UBE3C: variants seen among roughly 807,000 people sequenced by gnomAD.
UBE3C encodes the protein ubiquitin protein ligase E3C, also known as ubiquitin-protein ligase E3C.
Under a neutral mutation model 129.4 loss-of-function variants are expected in UBE3C, and 42 were observed. The ratio of observed to expected loss-of-function variants is 0.32; its 90% confidence interval spans 0.25 to 0.42. The LOEUF is 0.42. UBE3C is among the 10% of genes least tolerant of loss of function. The pLI, the probability that UBE3C is intolerant of heterozygous loss-of-function variation, is 1.00. For missense variants in UBE3C, 1,049 were observed against 1,319.1 expected (o/e 0.80, Z 3.17); for synonymous variants, 510 against 492.4 (o/e 1.04, Z -0.47).
chr7:157,150,414 C>G (rs1410471277), intron 1 of UBE3C, among the ~76,000 whole-genome samples: 1 of 151,972 alleles, frequency 6.6e-6, no homozygotes, highest in Non-Finnish European at 1.5e-5. Context: ...TATGTCCCCT[C>G]TAATCCAGCA....
In UBE3C at chr7:157,210,786, A is replaced by T. The variant is rs114756426; in HGVS notation, c.1809+2851A>T. On this transcript the variant is annotated intron_variant, in intron 13 of 22. Coordinates refer to ENST00000348165, the MANE Select transcript of UBE3C (RefSeq NM_014671.3). ...CAAACGATGAGACCTGACTCCTTCA[A>T]CACCGACCATTTTCATTTTTCAGTC... is the stretch of plus-strand genomic sequence containing the variant. 3.9e-3 allele frequency among the ~76,000 whole-genome samples: 599 copies of T among 152,264 alleles called. 2 individuals carry two copies. The highest frequency in any genetic ancestry group is 0.013 in the African/African-American group (554 of 41,546).
intron 11 of UBE3C, among the ~76,000 whole-genome samples, chr7:157,204,043 A>C (rs1396137533): frequency 6.6e-6 from 1 of 152,206 alleles, no homozygotes; most frequent in Non-Finnish European, 1.5e-5. Context: ...ATTGTACTGA[A>C]AGCGTAAAAA....
At chr7:157,205,908 G>A (rs1461952254) in intron 11 of UBE3C, among the ~76,000 whole-genome samples, 1 of 152,176 alleles carries the variant, frequency 6.6e-6, no homozygotes, top group Admixed American at 6.5e-5. Flanking sequence ...GAAGCTCCAG[G>A]TGGCTCAGCC....
chr7:157,213,328 T>G (rs2117025035), intron 13 of UBE3C, among the ~76,000 whole-genome samples: 1 of 152,284 alleles, frequency 6.6e-6, no homozygotes, highest in Non-Finnish European at 1.5e-5. Flanking sequence ...CCTATCAGAG[T>G]CATCTGGGGG....
chr7:157,254,079 C>A lies in UBE3C; in HGVS notation c.2820C>A (p.Arg940=). 1 of 1,613,468 alleles carries A rather than the reference C, an allele frequency of 6.2e-7. No individual in the cohort carries two copies. Among genetic ancestry groups the A allele is most frequent in the Non-Finnish European group, 8.5e-7 (1 of 1,179,784 alleles). The change falls in exon 20 of 23, where the codon CGC becomes CGA. Residue 940 remains arginine (R), a synonymous_variant. Coordinates refer to ENST00000348165, the MANE Select transcript of UBE3C (RefSeq NM_014671.3). ...RQIRQHCLAF[R]QGLANVVSLE... is the part of the protein sequence containing the mutation. The stretch of plus-strand genomic sequence containing the variant: ...TCCGCCAGCACTGCCTGGCTTTCCG[C>A]CAGGGCCTTGCCAATGTCGTCAGCC...
At chr7:157,264,675 C>T (rs1351772030) in intron 22 of UBE3C, among the ~76,000 whole-genome samples, 2 of 152,122 alleles carry the variant, frequency 1.3e-5, no homozygotes, top group East Asian at 3.8e-4. Context: ...GCAACCTCTG[C>T]CTCCTGCCTC....
intron 15 of UBE3C, chr7:157,221,738 T>TTA (rs1795742172): frequency 7.0e-6 from 1 of 143,596 alleles, no homozygotes; most frequent in African/African-American, 2.7e-5. Flanking sequence ...TAAGACTGTC[T>TTA]AAAAAAAAAA....
intron 18 of UBE3C, among the ~76,000 whole-genome samples, chr7:157,242,509 G>GAGT (rs1227780898): frequency 7.1e-5 from 4 of 56,032 alleles, no homozygotes; most frequent in Admixed American, 2.2e-4. Context: ...GACTGAGCCT[G>GAGT]AGTTGTTTTT....
intron 9 of UBE3C, among the ~76,000 whole-genome samples, chr7:157,184,327 A>G (rs1290491951): frequency 6.6e-6 from 1 of 152,162 alleles, no homozygotes; most frequent in Non-Finnish European, 1.5e-5. Context: ...TCTGGAAGTG[A>G]AATTGTTGGG....
At chr7:157,149,891 C>T (rs1417874908) in intron 1 of UBE3C, among the ~76,000 whole-genome samples, 1 of 152,166 alleles carries the variant, frequency 6.6e-6, no homozygotes, top group African/African-American at 2.4e-5. Context: ...CTGCTTTCTG[C>T]ATGTCCTTGT....
At chr7:157,229,273 T>A (rs1444765993) in intron 17 of UBE3C, among the ~76,000 whole-genome samples, 1 of 152,174 alleles carries the variant, frequency 6.6e-6, no homozygotes, top group Non-Finnish European at 1.5e-5. Context: ...TCAGAGCACA[T>A]CTTAACTTGG....
chr7:157,254,102 G>C lies in UBE3C; in HGVS notation c.2843G>C (p.Ser948Thr), dbSNP rs1396045984. The part of the protein sequence containing the change: ...AFRQGLANVV[S>T]LEWLRMFDQQ... ...CGCCAGGGCCTTGCCAATGTCGTCA[G>C]CCTCGAGTGGCTCCGAATGTTTGAT... The change falls in exon 20 of 23, where the codon AGC becomes ACC. Residue 948 changes from serine (S) to threonine (T), a missense_variant. By Grantham distance (58) the Ser-to-Thr change is moderately conservative. This residue lies in a region of UBE3C where 243 missense variants were observed against 368.7 expected (regional missense o/e 0.66). Coordinates refer to ENST00000348165, the MANE Select transcript of UBE3C (RefSeq NM_014671.3). 1 of 1,612,538 alleles carries C rather than the reference G, an allele frequency of 6.2e-7. No individual in the cohort carries two copies. The highest frequency in any genetic ancestry group is 1.3e-5 in the African/African-American group (1 of 75,000).
At chr7:157,265,789 C>A in intron 22 of UBE3C, among the ~76,000 whole-genome samples, 1 of 152,154 alleles carries the variant, frequency 6.6e-6, no homozygotes, top group South Asian at 2.1e-4. Context: ...GCGTTGGTTG[C>A]CAGTGGGAAT....
rs1395450665 is a variant in UBE3C, at chr7:157,225,516, A to T, written c.2210A>T (p.Tyr737Phe). 13 of 1,591,666 alleles carry T rather than the reference A, an allele frequency of 8.2e-6. No individual in the cohort carries two copies. The highest frequency in any genetic ancestry group is 1.1e-5 in the Non-Finnish European group (13 of 1,174,194). The change falls in exon 17 of 23, where the codon TAT becomes TTT. Residue 737 changes from tyrosine (Y) to phenylalanine (F), a missense_variant. By Grantham distance (22) the Tyr-to-Phe change is conservative. Transcript: ENST00000348165. The part of the protein sequence containing the change: ...IRRNYIYEDA[Y>F]DKLSPENEPD... ...AGAAATTACATTTATGAAGATGCTT[A>T]TGACAAACTTTCTCCAGAAAATGGT... is the stretch of plus-strand genomic sequence containing the variant.
At chr7:157,263,518 G>A (rs1037637835) in intron 22 of UBE3C, among the ~76,000 whole-genome samples, 1 of 152,096 alleles carries the variant, frequency 6.6e-6, no homozygotes, top group Non-Finnish European at 1.5e-5. Flanking sequence ...ACAAAAATTA[G>A]CTAGGTGTGA....
chr7:157,166,102 C>T (rs906557261), intron 2 of UBE3C, among the ~76,000 whole-genome samples: 59 of 152,310 alleles, frequency 3.9e-4, no homozygotes, highest in African/African-American at 1.4e-3. Context: ...TTCTTTGACT[C>T]TTTGACCTTG....
intron 17 of UBE3C, among the ~76,000 whole-genome samples, chr7:157,227,831 C>G (rs1795922034): frequency 1.3e-5 from 2 of 152,168 alleles, no homozygotes; most frequent in Non-Finnish European, 1.5e-5. Context: ...ACCCACCTCC[C>G]TAGGGGCATG....
rs940416702 is a variant in UBE3C, at chr7:157,229,633, A to T, written c.2234-1447A>T. 2.7e-5 allele frequency among the ~76,000 whole-genome samples: 4 copies of T among 145,980 alleles called. No individual in the cohort carries two copies. The East Asian group carries it at 6.3e-4, about 23-fold the overall frequency. ...CACCCGGCCTGTTTTTGGGGTTTTT[A>T]AATTTTTATTTTAGAGATGGGGGTC... is the stretch of plus-strand genomic sequence containing the variant. On this transcript the variant is annotated intron_variant, in intron 17 of 22. Transcript: ENST00000348165.
rs1432183457 is a variant in UBE3C, at chr7:157,184,044, C to T, written c.1143+15C>T. The T allele has an allele frequency of 6.2e-6, 10 of 1,611,652 alleles. No homozygotes were observed. The highest frequency in any genetic ancestry group is 5.9e-6 in the Non-Finnish European group (7 of 1,178,512). On this transcript the variant is annotated intron_variant, in intron 9 of 22. Transcript: ENST00000348165. ...CCTCAAGCCCGGTAAGCCCCGTGCC[C>T]TGCATCTGGGGGGCTGCGATGCAGG...
Sources: allele counts gnomAD v4.1 joint callset (sites outside exome capture counted in the v4.1 genomes callset), GRCh38; gene constraint gnomAD v4.1.1; regional missense constraint gnomAD v4.1.1; transcripts MANE v1.5; gene names NCBI Gene and HGNC (gene_info 2026-07-23, HGNC 2026-07-21).